The following PROSER1 variants were observed in gnomAD, a reference collection of about 807,000 sequenced individuals.
The protein encoded by PROSER1 is proline and serine-rich protein 1.
Under a neutral mutation model 71.8 loss-of-function variants are expected in PROSER1, and 36 were observed. The observed-to-expected ratio is 0.50, with a 90% CI of 0.38 to 0.66. The LOEUF (loss-of-function observed/expected upper bound fraction) is 0.66, where lower values mean the gene tolerates loss of function less well. Among genes scored for constraint, PROSER1 ranks in the 30% least tolerant of loss-of-function variants. The probability of loss-of-function intolerance (pLI) is 0.00; values close to 1 mark genes in which losing one functional copy is unlikely to be tolerated. For missense variants in PROSER1, 1,107 were observed against 1,135.0 expected (o/e 0.98, Z 0.35); for synonymous variants, 490 against 452.4 (o/e 1.08, Z -1.06).
chr13:39,023,688 A>C (rs759703862), intron 7 of PROSER1: 1 of 152,500 alleles, frequency 6.6e-6, no homozygotes, highest in Non-Finnish European at 1.5e-5. Context: ...TGCCTTTTGA[A>C]ATCCATAAAT....
chr13:39,012,880 A>G lies in PROSER1; in HGVS notation c.2372T>C (p.Phe791Ser). Residue 791 changes from phenylalanine to serine, a missense_variant, in exon 11 of 13, where the codon TTT becomes TCT. Transcript: ENST00000352251. ...LSSSNPSYPG[F>S]SVSNTPSVTP... ...AACGCTTGGGGTATTAGAGACAGAAAAGCCTGGATAGGAGGGATTTGAAGA... is the reference window on the plus strand; with the variant it reads ...AACGCTTGGGGTATTAGAGACAGAAGAGCCTGGATAGGAGGGATTTGAAGA... The G allele has an allele frequency of 6.2e-7, 1 of 1,614,162 alleles. No individual in the cohort carries two copies. Among genetic ancestry groups the G allele is most frequent in the Non-Finnish European group, 8.5e-7 (1 of 1,180,026 alleles).
chr13:39,034,260 A>G, intron 1 of PROSER1, 64 bp from the exon 2 acceptor site: 1 of 1,342,280 alleles, frequency 7.5e-7, no homozygotes, highest in Non-Finnish European at 1.0e-6. Context: ...CAGCACAGTA[A>G]TATACATCTA....
Position 39,017,483 on chromosome 13 carries a change from T to C in PROSER1, c.775+17A>G, listed in dbSNP as rs1210969231. ...ATGACAGATATCCGTTATCTCTGGA[T>C]CAAATTTGCTACTTACTTTGATTCT... On this transcript the variant is annotated intron_variant, in intron 10 of 12. Transcript: ENST00000352251. 5.0e-5 allele frequency: 75 copies of C among 1,490,448 alleles called. No individual in the cohort carries two copies. The highest frequency in any genetic ancestry group is 6.8e-5 in the Non-Finnish European group (73 of 1,077,002). 92.3% of individuals were successfully genotyped at this position (1,490,448 alleles called of 1,614,324 possible).
chr13:39,025,358 C>T lies in PROSER1; in HGVS notation c.481-802G>A, dbSNP rs1014601780. Among the ~76,000 whole-genome samples the T allele has an allele frequency of 2.9e-4, 44 of 152,054 alleles. 1 individual carries two copies. Among genetic ancestry groups the T allele is most frequent in the Non-Finnish European group, 1.0e-4 (7 of 68,012 alleles). On this transcript the variant is annotated intron_variant, in intron 6 of 12. Transcript: ENST00000352251. Reference sequence around the variant, plus strand: ...TGTGGAAGCCAACTCCCAAGATGTCCCCCACTGATCCTCATCTCCTACCTG... The same window carrying T: ...TGTGGAAGCCAACTCCCAAGATGTCTCCCACTGATCCTCATCTCCTACCTG...
chr13:39,029,609 C>T (rs1369333184), intron 3 of PROSER1, among the ~76,000 whole-genome samples: 1 of 152,100 alleles, frequency 6.6e-6, no homozygotes, highest in African/African-American at 2.4e-5. Context: ...CCTACATGCT[C>T]CTTTTTTATC....
Position 39,013,067 on chromosome 13 carries a change from A to T in PROSER1, c.2185T>A (p.Ser729Thr). ...GATGTGGAGGTGGCAGCGGTAGATG[A>T]GGTGGCTATTAATGACCCTGGGAGA... ...VSLPGSLIAT[S>T]STAATSTSLP... is the part of the protein sequence containing the mutation. The change falls in exon 11 of 13, where the codon TCA (serine) becomes ACA (threonine). Residue 729 changes from serine (S) to threonine (T), a missense_variant. Coordinates refer to ENST00000352251, the MANE Select transcript of PROSER1 (RefSeq NM_025138.5). 6.2e-7 allele frequency: 1 copy of T among 1,614,150 alleles called. No homozygotes were observed. The highest frequency in any genetic ancestry group is 8.5e-7 in the Non-Finnish European group (1 of 1,180,030).
chr13:39,032,865 C>G (rs749861930), intron 2 of PROSER1, among the ~76,000 whole-genome samples: 1 of 151,106 alleles, frequency 6.6e-6, no homozygotes, highest in African/African-American at 2.4e-5. Context: ...ATCACATACA[C>G]CCAAGAAAAA....
At chr13:39,021,553 T>C (rs1431178491) in intron 9 of PROSER1, among the ~76,000 whole-genome samples, 1 of 152,086 alleles carries the variant, frequency 6.6e-6, no homozygotes, top group Non-Finnish European at 1.5e-5. Context: ...CCTATCACAA[T>C]ACACTGAATA....
At chr13:39,024,787 A>G (rs1420945923) in intron 6 of PROSER1, among the ~76,000 whole-genome samples, 2 of 152,158 alleles carry the variant, frequency 1.3e-5, no homozygotes, top group Non-Finnish European at 2.9e-5. Flanking sequence ...AGAAGTGAAC[A>G]TGAAAAACAC....
rs1330062699 is a variant in PROSER1, at chr13:39,012,138, G to A, written c.2657C>T (p.Ser886Leu). 2.5e-6 allele frequency: 4 copies of A among 1,614,210 alleles called. No individual in the cohort carries two copies. The highest frequency in any genetic ancestry group is 1.3e-5 in the African/African-American group (1 of 75,070). ...ATTATGCTGTAATTCTTGCAAGGAT[G>A]ATTGTGAAGGATTCTGAGGAAACCC... ...IPGFPQNPSQ[S>L]SLQELQHNAA... Residue 886 changes from serine (S) to leucine (L), a missense_variant, in exon 12 of 13, where the codon TCA (serine) becomes TTA (leucine). Coordinates refer to ENST00000352251, the MANE Select transcript of PROSER1 (RefSeq NM_025138.5).
At chr13:39,017,223 G>A (rs1434659657) in intron 10 of PROSER1, among the ~76,000 whole-genome samples, 1 of 152,214 alleles carries the variant, frequency 6.6e-6, no homozygotes, top group African/African-American at 2.4e-5. Context: ...AAGTGAATGT[G>A]AATGCAAAGC....
chr13:39,029,812 T>C (rs1009336312), intron 3 of PROSER1, among the ~76,000 whole-genome samples: 8 of 150,862 alleles, frequency 5.3e-5, no homozygotes, highest in African/African-American at 1.9e-4. Flanking sequence ...TTAAACATAT[T>C]ACAAAAAAAG....
intron 8 of PROSER1, 64 bp from the exon 9 acceptor site, chr13:39,022,476 G>A (rs1870342293): frequency 4.8e-6 from 5 of 1,041,454 alleles, no homozygotes; most frequent in Admixed American, 1.7e-5. Context: ...GTATTGTTCT[G>A]TGACTAGGAG....
chr13:39,011,402 G>A lies in PROSER1; in HGVS notation c.2798C>T (p.Ser933Phe), dbSNP rs755039732. 6.2e-7 allele frequency: 1 copy of A among 1,614,134 alleles called. No homozygotes were observed. The highest frequency in any genetic ancestry group is 2.2e-5 in the East Asian group (1 of 44,878). Reference protein sequence around the residue: ...SYPSAPGTPFSLQPSLSQSGW... With the variant: ...SYPSAPGTPFFLQPSLSQSGW... ...ACTCTGGGACAGGCTTGGTTGCAAAGAAAATGGTGTTCCTGGCGCTGAAGG... is the reference window on the plus strand; with the variant it reads ...ACTCTGGGACAGGCTTGGTTGCAAAAAAAATGGTGTTCCTGGCGCTGAAGG... Residue 933 changes from serine to phenylalanine, a missense_variant, in exon 13 of 13, where the codon TCT becomes TTT. Physicochemically the swap from Ser to Phe is radical, Grantham distance 155 (BLOSUM62 -2). Coordinates refer to ENST00000352251, the MANE Select transcript of PROSER1 (RefSeq NM_025138.5).
chr13:39,033,125 G>T (rs941048659), intron 2 of PROSER1, among the ~76,000 whole-genome samples: 2 of 152,090 alleles, frequency 1.3e-5, no homozygotes, highest in Non-Finnish European at 1.5e-5. Context: ...TTGCCATGTT[G>T]GCCAGTCTGG....
In PROSER1 at chr13:39,013,466, A is replaced by G; in HGVS notation, c.1786T>C (p.Ser596Pro). ...GGAAGAGTTGTTGCAGCAGGGGTAG[A>G]TGAAATATGCAGATCTGAGGTACCT... ...HPGTSDLHIS[S>P]TPAATTLPVM... Residue 596 changes from serine to proline, a missense_variant, in exon 11 of 13, where the codon TCT becomes CCT. Physicochemically the swap from Ser to Pro is moderately conservative, Grantham distance 74. Transcript: ENST00000352251. The G allele has an allele frequency of 6.2e-7, 1 of 1,614,104 alleles. No homozygotes were observed. Among genetic ancestry groups the G allele is most frequent in the Non-Finnish European group, 8.5e-7 (1 of 1,180,034 alleles).
intron 7 of PROSER1, 21 bp from the exon 8 acceptor site, chr13:39,023,151 C>A (rs752033476): frequency 1.9e-6 from 3 of 1,581,128 alleles, no homozygotes; most frequent in South Asian, 2.2e-5. Context: ...GGGGAAAATA[C>A]AGCAGTTAGA....
chr13:39,012,068 G>A lies in PROSER1; in HGVS notation c.2712+15C>T. 6.2e-7 allele frequency: 1 copy of A among 1,609,514 alleles called. No individual in the cohort carries two copies. The highest frequency in any genetic ancestry group is 1.1e-5 in the South Asian group (1 of 90,522). ...ACATGTTACCATGTAATTTATGCCA[G>A]CCATTGCTGCTTACCTGCTGTAACA... On this transcript the variant is annotated intron_variant, in intron 12 of 12. Transcript: ENST00000352251.
chr13:39,020,310 GACTT>G (rs1195953098), intron 9 of PROSER1, among the ~76,000 whole-genome samples: 7 of 151,982 alleles, frequency 4.6e-5, no homozygotes, highest in African/African-American at 2.4e-5. Context: ...TGAATGGTAA[GACTT>G]ACTATCATAA....
Sources: gnomAD v4.1 joint callset for allele counts (sites outside exome capture counted in the v4.1 genomes callset) on GRCh38, gnomAD v4.1.1 for gene constraint, MANE v1.5 for transcripts, NCBI Gene and HGNC (gene_info 2026-07-23, HGNC 2026-07-21) for gene names.